Variants in TTC23L observed in about 807,000 individuals in gnomAD.
The protein encoded by TTC23L is tetratricopeptide repeat domain 23 like.
TTC23L carries 42 observed loss-of-function variants against 48.1 expected under a neutral mutation model. The observed-to-expected ratio is 0.87, with a 90% CI of 0.68 to 1.13. The LOEUF is 1.13. Among genes scored for constraint, TTC23L ranks in the 50% most tolerant of loss-of-function variants. The pLI, the probability that TTC23L is intolerant of heterozygous loss-of-function variation, is 0.00. For missense variants in TTC23L, 391 were observed against 421.0 expected (o/e 0.93, Z 0.62); for synonymous variants, 159 against 157.2 (o/e 1.01, Z -0.09).
chr5:34,850,389 A>G, intron 4 of TTC23L, 81 bp downstream of exon 4: 1 of 1,574,482 alleles, frequency 6.4e-7, no homozygotes, highest in Non-Finnish European at 8.7e-7. Flanking sequence ...GAGGATGGGC[A>G]TGACTAGGAG....
chr5:34,903,576 T>C (rs955847652), downstream of TTC23L, among the ~76,000 whole-genome samples: 3 of 152,236 alleles, frequency 2.0e-5, no homozygotes, highest in Admixed American at 1.3e-4. Flanking sequence ...TCCACCATTA[T>C]AGTATCATAC....
chr5:34,892,739 C>T (rs1254861383), intron 9 of TTC23L, among the ~76,000 whole-genome samples: 2 of 152,088 alleles, frequency 1.3e-5, no homozygotes, highest in African/African-American at 4.8e-5. Context: ...TTCCAAGTTG[C>T]ATGAACAGAA....
the TTC23L span, chr5:34,919,907 C>T: frequency 2.9e-4 from 277 of 956,910 alleles, no homozygotes; most frequent in African/African-American, 3.9e-3. Context: ...GTAATTGCAA[C>T]AAAATATTTT....
At chr5:34,894,050 C>A (rs1037845043) in intron 9 of TTC23L, among the ~76,000 whole-genome samples, 1 of 152,086 alleles carries the variant, frequency 6.6e-6, no homozygotes, top group Non-Finnish European at 1.5e-5. Flanking sequence ...CTTCTCAATA[C>A]TCTATTTATA....
Position 34,845,402 on chromosome 5 carries a change from G to A in TTC23L, c.69-85G>A. Reference sequence around the variant, plus strand: ...TTAGAAATCATGTCCCTATCCCCTAGTTGGGAGAGCTATGCCCTTCAATTT... The same window carrying A: ...TTAGAAATCATGTCCCTATCCCCTAATTGGGAGAGCTATGCCCTTCAATTT... On this transcript the variant is annotated intron_variant, in intron 2 of 10. Coordinates refer to ENST00000505624, the Ensembl canonical transcript of TTC23L. The A allele has an allele frequency of 2.2e-6, 3 of 1,376,564 alleles. No individual in the cohort carries two copies. In the South Asian group the frequency reaches 4.3e-5, roughly 20 times the overall value. 85.3% of individuals were successfully genotyped at this position (1,376,564 alleles called of 1,614,324 possible). A position where few individuals can be genotyped will look rare whatever the true frequency, so the allele number is the denominator to read the frequency against.
chr5:34,839,487 T>A, intron 1 of TTC23L: 1 of 267,250 alleles, frequency 3.7e-6, no homozygotes. Context: ...GAGGAGCGAT[T>A]CGTCCTTGAG....
At chr5:34,897,500 A>AT (rs1763309102) in intron 10 of TTC23L, among the ~76,000 whole-genome samples, 1 of 152,064 alleles carries the variant, frequency 6.6e-6, no homozygotes, top group African/African-American at 2.4e-5. Flanking sequence ...TATATTTTAA[A>AT]TTTGTAGTGA....
chr5:34,842,999 G>C (rs1758816097), intron 2 of TTC23L, among the ~76,000 whole-genome samples: 1 of 152,108 alleles, frequency 6.6e-6, no homozygotes. Flanking sequence ...GGAGATACAG[G>C]GTTCCACCAT....
chr5:34,896,617 G>A (rs1763242687), intron 9 of TTC23L, among the ~76,000 whole-genome samples, 153 bp from the exon 10 acceptor site: 1 of 152,044 alleles, frequency 6.6e-6, no homozygotes, highest in South Asian at 2.1e-4. Context: ...AATCTTAAGG[G>A]GACAACATTC....
intron 2 of TTC23L, among the ~76,000 whole-genome samples, chr5:34,844,197 C>T (rs1037543988): frequency 6.6e-6 from 1 of 152,140 alleles, no homozygotes; most frequent in African/African-American, 2.4e-5. Context: ...GCTGTCCCAT[C>T]AAATTAGCTT....
At chr5:34,910,110 T>C in the TTC23L span, among the ~76,000 whole-genome samples, 2 of 152,132 alleles carry the variant, frequency 1.3e-5, no homozygotes, top group Non-Finnish European at 2.9e-5. Flanking sequence ...CTGAGCACCA[T>C]AACTACATAT....
chr5:34,852,077 G>A (rs931333751), intron 4 of TTC23L, among the ~76,000 whole-genome samples: 3 of 152,136 alleles, frequency 2.0e-5, no homozygotes, highest in Admixed American at 6.6e-5. Context: ...TAGAGATAAG[G>A]TCTTTCTACG....
At chr5:34,846,892 A>C (rs746114233) in intron 3 of TTC23L, among the ~76,000 whole-genome samples, 1 of 152,102 alleles carries the variant, frequency 6.6e-6, no homozygotes, top group Non-Finnish European at 1.5e-5. Context: ...AGAAGGTAGC[A>C]GTGGAGGTCA....
the TTC23L span, chr5:34,918,714 T>C: frequency 1.7e-5 from 6 of 357,352 alleles, no homozygotes; most frequent in Admixed American, 4.6e-5. Context: ...AAACATTTCT[T>C]GAAGGTCCAG....
chr5:34,912,890 A>G, the TTC23L span, among the ~76,000 whole-genome samples: 1 of 152,046 alleles, frequency 6.6e-6, no homozygotes, highest in Non-Finnish European at 1.5e-5. Context: ...AATCCCAGCT[A>G]CTCGGGAGGC....
intron 9 of TTC23L, among the ~76,000 whole-genome samples, chr5:34,888,934 C>T (rs977660654): frequency 1.3e-5 from 2 of 152,086 alleles, no homozygotes; most frequent in African/African-American, 4.8e-5. Context: ...AAACATAAGG[C>T]AAGTTTTTTT....
intron 2 of TTC23L, 79 bp downstream of exon 2, chr5:34,840,818 G>A (rs889522214): frequency 9.7e-6 from 13 of 1,338,440 alleles, no homozygotes; most frequent in Non-Finnish European, 1.3e-5. Flanking sequence ...GCAAACCTGG[G>A]TGAGGAGCTT....
At chr5:34,859,831 T>TTTCTTC (rs1760439685) in intron 4 of TTC23L, among the ~76,000 whole-genome samples, 1 of 134,662 alleles carries the variant, frequency 7.4e-6, no homozygotes, top group African/African-American at 3.1e-5. Context: ...TTTCTTTTCT[T>TTTCTTC]TTCTTCTTCT....
chr5:34,885,959 C>T (rs1213239512), intron 9 of TTC23L, among the ~76,000 whole-genome samples: 1 of 151,958 alleles, frequency 6.6e-6, no homozygotes, highest in Non-Finnish European at 1.5e-5. Context: ...ATTCTTTTAG[C>T]TTTTCTGAAG....
Sources: allele counts gnomAD v4.1 joint callset (sites outside exome capture counted in the v4.1 genomes callset), GRCh38; gene constraint gnomAD v4.1.1; transcripts MANE v1.5; gene names NCBI Gene and HGNC (gene_info 2026-07-23, HGNC 2026-07-21).